HMCN1: variants seen among roughly 807,000 people sequenced by gnomAD.
HMCN1 encodes hemicentin-1.
A neutral mutation model predicts 625.9 loss-of-function variants in HMCN1; 321 were observed. That is an observed-to-expected ratio of 0.51 (90% CI 0.47 to 0.56). The LOEUF (loss-of-function observed/expected upper bound fraction) is 0.56. Among genes scored for constraint, HMCN1 ranks in the 20% least tolerant of loss-of-function variants. HMCN1 has a pLI of 0.00. For synonymous variants in HMCN1, 2,425 were observed against 2,417.6 expected (o/e 1.00, Z -0.09); for missense variants, 6,588 against 6,887.3 (o/e 0.96, Z 1.54).
In HMCN1 at chr1:185,734,580, T is replaced by TCCCTG; in HGVS notation, c.-191_-187dup. ...CCGCATCCAGACAAAAGCTGCCGCA[T>TCCCTG]CCCTGCCCTGCCCAACCCCTGGAGG... On this transcript the variant is annotated 5_prime_UTR_variant, in exon 1 of 107. Coordinates refer to ENST00000271588, the MANE Select transcript of HMCN1 (RefSeq NM_031935.3). 1 of 602,634 alleles carries TCCCTG rather than the reference T, an allele frequency of 1.7e-6. No homozygotes were observed. Among genetic ancestry groups the TCCCTG allele is most frequent in the South Asian group, 2.0e-5 (1 of 51,216 alleles). 37.3% of individuals were successfully genotyped at this position (602,634 alleles called of 1,614,324 possible).
chr1:186,159,846 C>A (rs1017352582), intron 97 of HMCN1, among the ~76,000 whole-genome samples: 6 of 152,294 alleles, frequency 3.9e-5, no homozygotes, highest in African/African-American at 1.2e-4. Context: ...AGGATTTTTG[C>A]ATCAATGTTC....
At chr1:185,908,824 TTATAA>T (rs1281171371) in intron 4 of HMCN1, among the ~76,000 whole-genome samples, 1 of 148,030 alleles carries the variant, frequency 6.8e-6, no homozygotes, top group Non-Finnish European at 1.5e-5. Context: ...CTGTAATATA[TTATAA>T]TATACTATAT....
intron 1 of HMCN1, among the ~76,000 whole-genome samples, chr1:185,825,088 G>T (rs1660431280): frequency 6.6e-6 from 1 of 152,050 alleles, no homozygotes; most frequent in Non-Finnish European, 1.5e-5. Context: ...TCAGAATGTT[G>T]TTAAGACTCA....
chr1:186,081,769 G>C (rs949476183), intron 56 of HMCN1, among the ~76,000 whole-genome samples: 1 of 151,996 alleles, frequency 6.6e-6, no homozygotes, highest in Admixed American at 6.6e-5. Context: ...TTGTATGTAG[G>C]CAAAAGGTTG....
intron 82 of HMCN1, among the ~76,000 whole-genome samples, chr1:186,126,616 G>A (rs1006082912): frequency 3.3e-5 from 5 of 152,116 alleles, no homozygotes; most frequent in Non-Finnish European, 5.9e-5. Flanking sequence ...AAATATTGGA[G>A]GAGCAGACCG....
intron 4 of HMCN1, among the ~76,000 whole-genome samples, chr1:185,872,574 G>A (rs967933293): frequency 1.2e-4 from 18 of 152,086 alleles, no homozygotes; most frequent in African/African-American, 4.1e-4. Context: ...GGAGATGACT[G>A]CTCTCAACAG....
At chr1:185,846,641 T>C (rs1052949321) in intron 2 of HMCN1, among the ~76,000 whole-genome samples, 1 of 152,184 alleles carries the variant, frequency 6.6e-6, no homozygotes, top group African/African-American at 2.4e-5. Context: ...GCTGAATTTA[T>C]TCATTTAAAA....
intron 103 of HMCN1, 102 bp downstream of exon 103, chr1:186,174,744 G>A: frequency 9.8e-7 from 1 of 1,023,952 alleles, no homozygotes; most frequent in East Asian, 2.4e-5. Flanking sequence ...ATGGTCTCTT[G>A]TTACAATAAT....
intron 1 of HMCN1, among the ~76,000 whole-genome samples, chr1:185,787,911 A>T (rs777027990): frequency 3.9e-5 from 6 of 152,212 alleles, no homozygotes; most frequent in Non-Finnish European, 7.3e-5. Flanking sequence ...TGATAGCTAT[A>T]ATTGAGGCCC....
intron 89 of HMCN1, 144 bp from the exon 90 acceptor site, chr1:186,144,029 A>C: frequency 1.4e-6 from 1 of 691,622 alleles, no homozygotes; most frequent in South Asian, 2.6e-5. Flanking sequence ...AAAGATCATC[A>C]TTTGTTATGT....
At chr1:186,130,274 A>G (rs968112811) in intron 84 of HMCN1, among the ~76,000 whole-genome samples, 174 bp downstream of exon 84, 2 of 152,202 alleles carry the variant, frequency 1.3e-5, no homozygotes, top group African/African-American at 4.8e-5. Context: ...ACTCAAAAGT[A>G]GATAAGAAGT....
chr1:185,993,339 C>G (rs756809521), intron 23 of HMCN1, 30 bp downstream of exon 23: 2 of 1,610,712 alleles, frequency 1.2e-6, no homozygotes, highest in Non-Finnish European at 1.7e-6. Flanking sequence ...CATATGACAA[C>G]CCTGTGGACT....
chr1:186,176,759 A>G (rs1483624860), intron 103 of HMCN1: 1 of 151,888 alleles, frequency 6.6e-6, no homozygotes, highest in Non-Finnish European at 1.5e-5. Context: ...ACAGAGAAAC[A>G]TAAGGAAACA....
chr1:185,916,562 TCTTTA>T (rs561586402), intron 6 of HMCN1, among the ~76,000 whole-genome samples: 1 of 152,286 alleles, frequency 6.6e-6, no homozygotes, highest in Middle Eastern at 3.4e-3. Context: ...ATACATTGTA[TCTTTA>T]CTTTCTTTTA....
chr1:185,941,087 C>T (rs926887151), intron 11 of HMCN1, among the ~76,000 whole-genome samples: 9 of 152,068 alleles, frequency 5.9e-5, no homozygotes, highest in Non-Finnish European at 8.8e-5. Context: ...GAGCTCCTGA[C>T]CTCATGATCT....
At position 186,182,214 on chromosome 1, in the gene HMCN1, G is replaced by T; in HGVS notation, c.16341G>T (p.Lys5447Asn). 1 of 1,613,458 alleles carries T rather than the reference G, an allele frequency of 6.2e-7. No individual in the cohort carries two copies. Among genetic ancestry groups the T allele is most frequent in the South Asian group, 1.1e-5 (1 of 91,072 alleles). The change falls in exon 105 of 107, where the codon AAG becomes AAT. Residue 5447 changes from lysine (K) to asparagine (N), a missense_variant. Lys to Asn is a moderately conservative substitution (Grantham distance 94, BLOSUM62 0). Around this residue, in one of 3 missense-constraint regions of HMCN1, gnomAD observed 1,954 missense variants for 2,013.1 expected, o/e 0.97. Transcript: ENST00000271588. ...CAGATGCCTGCCAGCATGAGTGTAAGAATACCTTTGGAAGTTATCAGTGCA... is the reference window on the plus strand; with the variant it reads ...CAGATGCCTGCCAGCATGAGTGTAATAATACCTTTGGAAGTTATCAGTGCA... ...ENTDACQHEC[K>N]NTFGSYQCIC...
intron 1 of HMCN1, among the ~76,000 whole-genome samples, chr1:185,742,503 T>C (rs1434859688): frequency 6.6e-6 from 1 of 152,130 alleles, no homozygotes; most frequent in Non-Finnish European, 1.5e-5. Flanking sequence ...AATAGAAAGA[T>C]TTTTACATGG....
intron 1 of HMCN1, among the ~76,000 whole-genome samples, chr1:185,791,394 G>A (rs1657981780): frequency 6.6e-6 from 1 of 152,078 alleles, no homozygotes; most frequent in Non-Finnish European, 1.5e-5. Context: ...AGAGTGATGT[G>A]GGTTACACTG....
chr1:186,086,266 C>T lies in HMCN1; in HGVS notation c.8905C>T (p.Pro2969Ser), dbSNP rs769700569. The change falls in exon 58 of 107, where the codon CCT becomes TCT. Residue 2969 changes from proline to serine, a missense_variant. Physicochemically the swap from Pro to Ser is moderately conservative, Grantham distance 74. Around this residue, in one of 3 missense-constraint regions of HMCN1, gnomAD observed 4,628 missense variants for 4,853.1 expected, o/e 0.95. Transcript: ENST00000271588. The stretch of plus-strand genomic sequence containing the variant: ...TATAGTTCCTCCAAGTGTCATTGGT[C>T]CTAAATCTGAAAATCTTACCGTCGT... ...NVHVPPSVIG[P>S]KSENLTVVVN... The T allele has an allele frequency of 9.3e-6, 15 of 1,612,564 alleles. No homozygotes were observed. The Admixed American group carries it at 2.5e-4, about 27-fold the overall frequency.
Sources: gnomAD v4.1 joint callset for allele counts (sites outside exome capture counted in the v4.1 genomes callset) on GRCh38, gnomAD v4.1.1 for gene constraint, gnomAD v4.1.1 regional missense constraint, MANE v1.5 for transcripts, NCBI Gene and HGNC (gene_info 2026-07-23, HGNC 2026-07-21) for gene names.